Variants in ITPR1 observed in about 807,000 individuals in gnomAD.
ITPR1 encodes the protein inositol 1,4,5-trisphosphate receptor type 1, also known as inositol 1,4,5-trisphosphate-gated calcium channel ITPR1.
ITPR1 carries 96 observed loss-of-function variants against 318.4 expected under a neutral mutation model. The observed-to-expected ratio is 0.30, with a 90% CI of 0.26 to 0.36. The LOEUF is 0.36. Among genes scored for constraint, ITPR1 ranks in the 10% least tolerant of loss-of-function variants. The pLI is 1.00. For synonymous variants in ITPR1, 1,312 were observed against 1,289.9 expected (o/e 1.02, Z -0.37); for missense variants, 2,440 against 3,460.2 (o/e 0.71, Z 7.40).
At position 4,844,343 on chromosome 3, in the gene ITPR1, C is replaced by T. The variant is rs143738826; in HGVS notation, c.8191-1796C>T. 4.6e-5 allele frequency among the ~76,000 whole-genome samples: 7 copies of T among 152,172 alleles called. No homozygotes were observed. In the East Asian group the frequency reaches 1.4e-3, roughly 29 times the overall value. ...TTTGCTACGTTGCCCAGGCTGGTCT[C>T]GAACTCCTGGGCTCAAGCAGTCTGC... On this transcript the variant is annotated intron_variant, in intron 61 of 61. Transcript: ENST00000649015.
chr3:4,747,448 C>G (rs764818770), intron 44 of ITPR1, among the ~76,000 whole-genome samples: 18 of 152,222 alleles, frequency 1.2e-4, no homozygotes, highest in Non-Finnish European at 2.2e-4. Flanking sequence ...TTTCCAGGCA[C>G]AGACATGGCC....
At chr3:4,584,077 C>G (rs1019259368) in intron 4 of ITPR1, among the ~76,000 whole-genome samples, 1 of 152,078 alleles carries the variant, frequency 6.6e-6, no homozygotes, top group Non-Finnish European at 1.5e-5. Flanking sequence ...TTTCCTATCC[C>G]TTATAAGAAA....
chr3:4,580,416 G>A (rs1285196671), intron 4 of ITPR1, among the ~76,000 whole-genome samples: 2 of 152,146 alleles, frequency 1.3e-5, no homozygotes, highest in Non-Finnish European at 1.5e-5. Flanking sequence ...CTCTCAAAGT[G>A]GGGGCAGGAC....
At chr3:4,565,141 G>T (rs1342883943) in intron 4 of ITPR1, among the ~76,000 whole-genome samples, 1 of 152,152 alleles carries the variant, frequency 6.6e-6, no homozygotes, top group East Asian at 1.9e-4. Flanking sequence ...GTGTCACCTT[G>T]TTGATTCCTC....
At chr3:4,830,258 G>A (rs1326351250) in intron 60 of ITPR1, among the ~76,000 whole-genome samples, 2 of 151,970 alleles carry the variant, frequency 1.3e-5, no homozygotes, top group African/African-American at 2.4e-5. Flanking sequence ...TTACAGGCGT[G>A]AGCCACCATG....
At chr3:4,756,513 A>C (rs1008321502) in intron 44 of ITPR1, among the ~76,000 whole-genome samples, 1 of 151,864 alleles carries the variant, frequency 6.6e-6, no homozygotes, top group African/African-American at 2.4e-5. Flanking sequence ...CTCAGTGTCT[A>C]TTGTTTCCTT....
chr3:4,681,238 A>G (rs1156511851), intron 25 of ITPR1, 126 bp from the exon 26 acceptor site: 3 of 682,558 alleles, frequency 4.4e-6, no homozygotes, highest in Non-Finnish European at 5.4e-6. Flanking sequence ...ATAGCTTTGC[A>G]ATATAATGTT....
Position 4,846,999 on chromosome 3 carries a change from T to G in ITPR1, c.*774T>G, listed in dbSNP as rs924672752. ...AGATAATGAATTTTTTAAAGGGAAC[T>G]TTCTATGCAATGTTCAGGATAAATG... On this transcript the variant is annotated 3_prime_UTR_variant, in exon 62 of 62. Transcript: ENST00000649015. 1 of 152,672 alleles carries G rather than the reference T, an allele frequency of 6.5e-6. No individual in the cohort carries two copies. The highest frequency in any genetic ancestry group is 2.4e-5 in the African/African-American group (1 of 41,464). 9.5% of individuals were successfully genotyped at this position (152,672 alleles called of 1,614,324 possible).
chr3:4,609,089 T>TATATATATACACACACAC (rs1171860541), intron 4 of ITPR1, among the ~76,000 whole-genome samples: 6 of 91,950 alleles, frequency 6.5e-5, no homozygotes, highest in South Asian at 3.8e-4. Context: ...TATATATATA[T>TATATATATACACACACAC]ACACACACAC....
chr3:4,705,280 G>A (rs1286747207), intron 36 of ITPR1, among the ~76,000 whole-genome samples: 1 of 152,130 alleles, frequency 6.6e-6, no homozygotes, highest in Non-Finnish European at 1.5e-5. Flanking sequence ...ACTGTAGCAA[G>A]GGTAATACAG....
intron 4 of ITPR1, among the ~76,000 whole-genome samples, chr3:4,538,808 T>C (rs376234648): frequency 4.3e-4 from 65 of 152,232 alleles, no homozygotes; most frequent in African/African-American, 1.5e-3. Flanking sequence ...TTCTCACTTA[T>C]AAGTGGGAGC....
chr3:4,846,504 A>G lies in ITPR1; in HGVS notation c.*279A>G, dbSNP rs886058645. 101 of 263,676 alleles carry G rather than the reference A, an allele frequency of 3.8e-4. No homozygotes were observed. The highest frequency in any genetic ancestry group is 4.7e-4 in the Admixed American group (9 of 19,006). The allele number at this position is 263,676 out of a possible 1,614,324, so 16.3% of individuals were successfully genotyped here. ...AGCACCTGATTTGCACTTGAACCAG[A>G]TTATAGATTTAAAAGTATATGACAT... On this transcript the variant is annotated 3_prime_UTR_variant, in exon 62 of 62. Coordinates refer to ENST00000649015, the MANE Select transcript of ITPR1 (RefSeq NM_001378452.1).
intron 4 of ITPR1, among the ~76,000 whole-genome samples, chr3:4,598,515 G>A (rs2091025833): frequency 6.6e-6 from 1 of 152,154 alleles, no homozygotes; most frequent in African/African-American, 2.4e-5. Context: ...CAGCTACTCG[G>A]TGGGGCCGAG....
At chr3:4,651,762 C>G (rs1206487170) in intron 10 of ITPR1, among the ~76,000 whole-genome samples, 3 of 152,226 alleles carry the variant, frequency 2.0e-5, no homozygotes, top group African/African-American at 7.2e-5. Context: ...CACATGAGTA[C>G]ATGCGTAGAT....
chr3:4,615,862 G>C (rs534102498), intron 4 of ITPR1, among the ~76,000 whole-genome samples: 1 of 152,280 alleles, frequency 6.6e-6, no homozygotes, highest in Admixed American at 6.5e-5. Flanking sequence ...GGTGGTTAAA[G>C]GCAGAGGGCA....
intron 52 of ITPR1, among the ~76,000 whole-genome samples, chr3:4,791,459 A>T (rs13070473): frequency 2.0e-5 from 3 of 151,906 alleles, no homozygotes; most frequent in Non-Finnish European, 4.4e-5. Context: ...AATAGGGTTC[A>T]CACTCCTGTG....
intron 44 of ITPR1, among the ~76,000 whole-genome samples, chr3:4,752,291 G>A (rs2044592933): frequency 6.6e-6 from 1 of 152,192 alleles, no homozygotes; most frequent in South Asian, 2.1e-4. Context: ...GTCTGGGGAG[G>A]GAGCCAGGTT....
chr3:4,697,122 A>T, intron 33 of ITPR1, 25 bp from the exon 34 acceptor site: 1 of 1,607,352 alleles, frequency 6.2e-7, no homozygotes, highest in Non-Finnish European at 8.5e-7. Flanking sequence ...ATGGTTTTTC[A>T]GAAAAGCTTC....
At chr3:4,825,824 C>G (rs1288571686) in intron 60 of ITPR1, 1 of 456,686 alleles carries the variant, frequency 2.2e-6, no homozygotes, top group Non-Finnish European at 4.4e-6. Context: ...AGAGGCAACG[C>G]AAGGAACCAA....
Sources: gnomAD v4.1 joint callset for allele counts (sites outside exome capture counted in the v4.1 genomes callset) on GRCh38, gnomAD v4.1.1 for gene constraint, MANE v1.5 for transcripts, NCBI Gene and HGNC (gene_info 2026-07-23, HGNC 2026-07-21) for gene names.